The following NCOA7 variants were observed in gnomAD, a reference collection of about 807,000 sequenced individuals.
The protein encoded by NCOA7 is nuclear receptor coactivator 7.
NCOA7 carries 45 observed loss-of-function variants against 104.3 expected under a neutral mutation model. That is an observed-to-expected ratio of 0.43 (90% CI 0.34 to 0.55). NCOA7 has a LOEUF of 0.55. Ranked by LOEUF, NCOA7 falls within the 20% of genes least tolerant of loss-of-function variation. NCOA7 has a pLI of 0.02. For missense variants in NCOA7, 1,041 were observed against 1,119.7 expected (o/e 0.93, Z 1.00); for synonymous variants, 398 against 402.3 (o/e 0.99, Z 0.13).
chr6:125,914,695 C>T (rs897971922), intron 10 of NCOA7, among the ~76,000 whole-genome samples: 6 of 152,292 alleles, frequency 3.9e-5, no homozygotes, highest in Admixed American at 2.6e-4. Flanking sequence ...CTCTCATTCT[C>T]TTCCCAGGAA....
intron 2 of NCOA7, among the ~76,000 whole-genome samples, chr6:125,853,930 C>T (rs1341631851): frequency 6.6e-6 from 1 of 152,186 alleles, no homozygotes; most frequent in African/African-American, 2.4e-5. Context: ...ATTTGTTTGA[C>T]ATCACAGAAC....
At position 125,931,713 on chromosome 6, in the gene NCOA7, T is replaced by A. The variant is rs1488648401; in HGVS notation, c.*2942T>A. The A allele has an allele frequency of 6.6e-6, 1 of 152,196 alleles. No individual in the cohort carries two copies. The highest frequency in any genetic ancestry group is 1.9e-4 in the East Asian group (1 of 5,196). 9.4% of individuals were successfully genotyped at this position (152,196 alleles called of 1,614,324 possible). A position where few individuals can be genotyped will look rare whatever the true frequency, so the allele number is the denominator to read the frequency against. ...CTCTCCTTGATGCCTTTTAAAGTTT[T>A]AGAGACACATTGATATGGTTTGGCT... On this transcript the variant is annotated 3_prime_UTR_variant, in exon 16 of 16. Transcript: ENST00000392477.
intron 10 of NCOA7, among the ~76,000 whole-genome samples, chr6:125,897,375 T>A (rs13199116): frequency 6.6e-6 from 1 of 152,188 alleles, no homozygotes; most frequent in Non-Finnish European, 1.5e-5. Context: ...AGAAAATAGA[T>A]GTTTCATAGT....
rs2128658265 is a variant in NCOA7, at chr6:125,889,684, G to C, written c.1630G>C (p.Glu544Gln). The change falls in exon 9 of 16, where the codon GAA becomes CAA. Residue 544 changes from glutamate (E) to glutamine (Q), a missense_variant. Coordinates refer to ENST00000392477, the MANE Select transcript of NCOA7 (RefSeq NM_181782.5). ...GGTATCTGAAAATTTGCAGAAAACA[G>C]AATTAAGTGATGGAAAAAGTATTGA... ...PQVSENLQKT[E>Q]LSDGKSIEPG... The C allele has an allele frequency of 6.2e-7, 1 of 1,614,078 alleles. No individual in the cohort carries two copies. Among genetic ancestry groups the C allele is most frequent in the African/African-American group, 1.3e-5 (1 of 75,038 alleles).
chr6:125,794,857 G>A (rs1470321888), intron 1 of NCOA7, among the ~76,000 whole-genome samples: 1 of 152,210 alleles, frequency 6.6e-6, no homozygotes, highest in Non-Finnish European at 1.5e-5. Flanking sequence ...TTGAACAGGA[G>A]TTTCAATAGA....
intron 7 of NCOA7, 92 bp downstream of exon 7, chr6:125,882,643 A>C: frequency 6.8e-7 from 1 of 1,464,226 alleles, no homozygotes; most frequent in Non-Finnish European, 9.2e-7. Context: ...ACATTAAAAG[A>C]TCTTACCCAA....
At chr6:125,923,341 C>T (rs1387160720) in intron 13 of NCOA7, among the ~76,000 whole-genome samples, 1 of 152,188 alleles carries the variant, frequency 6.6e-6, no homozygotes, top group Non-Finnish European at 1.5e-5. Context: ...TGTTAAGAAA[C>T]CACAGAGAAT....
intron 2 of NCOA7, 91 bp from the exon 3 acceptor site, chr6:125,854,929 A>G (rs147098400): frequency 1.6e-4 from 126 of 782,620 alleles, no homozygotes; most frequent in South Asian, 1.6e-3. Flanking sequence ...TCAGTTCATT[A>G]GTTTTCAAAG....
chr6:125,867,421 CT>C (rs1459754972), intron 3 of NCOA7, among the ~76,000 whole-genome samples: 6 of 152,310 alleles, frequency 3.9e-5, no homozygotes, highest in African/African-American at 1.4e-4. Context: ...CTTTTGGTTT[CT>C]GATATAAGAG....
At chr6:125,876,664 A>G (rs1783402912) in intron 4 of NCOA7, among the ~76,000 whole-genome samples, 1 of 152,076 alleles carries the variant, frequency 6.6e-6, no homozygotes, top group East Asian at 1.9e-4. Context: ...CAAGTCAATA[A>G]TGCAGGTATG....
chr6:125,917,732 G>A (rs1787206734), intron 11 of NCOA7, among the ~76,000 whole-genome samples: 1 of 152,166 alleles, frequency 6.6e-6, no homozygotes, highest in Non-Finnish European at 1.5e-5. Context: ...ATTTAAAGGG[G>A]GAAAAGTGGG....
chr6:125,835,782 G>A (rs936731145), intron 2 of NCOA7, among the ~76,000 whole-genome samples: 1 of 152,092 alleles, frequency 6.6e-6, no homozygotes, highest in African/African-American at 2.4e-5. Context: ...ACCCAGATCT[G>A]GTATTACAGA....
At chr6:125,899,772 A>G (rs969718733) in intron 10 of NCOA7, 1 of 200,668 alleles carries the variant, frequency 5.0e-6, no homozygotes, top group Non-Finnish European at 1.1e-5. Flanking sequence ...TTACCCTCCA[A>G]AAACACCCTC....
chr6:125,805,047 TA>T, intron 1 of NCOA7, among the ~76,000 whole-genome samples: 1 of 150,034 alleles, frequency 6.7e-6, no homozygotes, highest in Non-Finnish European at 1.5e-5. Context: ...TTTACATCCT[TA>T]AAGACAGTTG....
At chr6:125,869,016 G>A (rs747254566) in intron 3 of NCOA7, among the ~76,000 whole-genome samples, 2 of 152,170 alleles carry the variant, frequency 1.3e-5, no homozygotes, top group Non-Finnish European at 2.9e-5. Flanking sequence ...CCAAACTTCT[G>A]TTTGTGCTTG....
intron 1 of NCOA7, among the ~76,000 whole-genome samples, chr6:125,795,222 A>T (rs1224253049): frequency 2.0e-5 from 3 of 152,344 alleles, no homozygotes; most frequent in Non-Finnish European, 4.4e-5. Context: ...CCTTTGGCAT[A>T]AAAATGATCT....
intron 1 of NCOA7, among the ~76,000 whole-genome samples, chr6:125,814,265 G>A (rs1454898557): frequency 6.6e-6 from 1 of 151,998 alleles, no homozygotes; most frequent in Admixed American, 6.6e-5. Flanking sequence ...AGCGATTCTC[G>A]CGCCTCAACC....
At chr6:125,896,586 G>A (rs1461248149) in intron 10 of NCOA7, among the ~76,000 whole-genome samples, 2 of 152,108 alleles carry the variant, frequency 1.3e-5, no homozygotes, top group African/African-American at 2.4e-5. Flanking sequence ...GAGCTCAGCA[G>A]TTCAAGACAA....
chr6:125,889,816 C>G lies in NCOA7; in HGVS notation c.1762C>G (p.Pro588Ala), dbSNP rs1275104997. The G allele has an allele frequency of 6.2e-7, 1 of 1,613,018 alleles. No homozygotes were observed. Among genetic ancestry groups the G allele is most frequent in the Non-Finnish European group, 8.5e-7 (1 of 1,179,658 alleles). The stretch of plus-strand genomic sequence containing the variant: ...TAAGACCTGGGTGAAAAAGGGAGAG[C>G]CCCTCCCGGTAAAACTGAACTCTTC... The part of the protein sequence containing the change: ...PDKTWVKKGE[P>A]LPVKLNSSTE... Residue 588 changes from proline to alanine, a missense_variant, in exon 9 of 16, where the codon CCC becomes GCC. By Grantham distance (27) the Pro-to-Ala change is conservative. This residue lies in a region of NCOA7 where 914 missense variants were observed against 942.7 expected (regional missense o/e 0.97). Coordinates refer to ENST00000392477, the MANE Select transcript of NCOA7 (RefSeq NM_181782.5).
Sources: gnomAD v4.1 joint callset for allele counts (sites outside exome capture counted in the v4.1 genomes callset) on GRCh38, gnomAD v4.1.1 for gene constraint, gnomAD v4.1.1 regional missense constraint, MANE v1.5 for transcripts, NCBI Gene and HGNC (gene_info 2026-07-23, HGNC 2026-07-21) for gene names.